The following USP2 variants were observed in gnomAD, a reference collection of about 807,000 sequenced individuals.
The protein encoded by USP2 is ubiquitin specific peptidase 2, also known as ubiquitin carboxyl-terminal hydrolase 2.
USP2 carries 33 observed loss-of-function variants against 72.0 expected under a neutral mutation model. The observed-to-expected ratio is 0.46, with a 90% confidence interval of 0.35 to 0.61. The LOEUF is 0.61. USP2 is among the 20% of genes least tolerant of loss of function. USP2 has a pLI of 0.01. For synonymous variants in USP2, 296 were observed against 312.5 expected (o/e 0.95, Z 0.56); for missense variants, 691 against 797.8 (o/e 0.87, Z 1.61).
At chr11:119,367,947 C>G (rs751446894) in intron 2 of USP2, among the ~76,000 whole-genome samples, 5 of 152,156 alleles carry the variant, frequency 3.3e-5, no homozygotes, top group African/African-American at 4.8e-5. Flanking sequence ...ACCACATTAA[C>G]TCATGAAGAC....
intron 2 of USP2, among the ~76,000 whole-genome samples, chr11:119,365,623 C>G (rs1950841767): frequency 6.6e-6 from 1 of 152,228 alleles, no homozygotes; most frequent in South Asian, 2.1e-4. Context: ...CATCACTCTT[C>G]TGTCCTGAAA....
Position 119,359,211 on chromosome 11 carries a change from C to T in USP2, c.1061+20G>A. On this transcript the variant is annotated intron_variant, in intron 5 of 12. Transcript: ENST00000260187. ...TCCTACTGCCACCCACCTGAGAGGA[C>T]ATGTCTGCAAGGCCCTTACTTATAG... 1 of 1,612,630 alleles carries T rather than the reference C, an allele frequency of 6.2e-7. No individual in the cohort carries two copies. The highest frequency in any genetic ancestry group is 8.5e-7 in the Non-Finnish European group (1 of 1,178,766).
intron 2 of USP2, 189 bp from the exon 3 acceptor site, chr11:119,360,423 TTTTC>T (rs200063907): frequency 2.8e-4 from 197 of 700,778 alleles, no homozygotes; most frequent in East Asian, 1.3e-3. Flanking sequence ...TTTTCTTTTC[TTTTC>T]TTTTTTTTTT....
chr11:119,368,532 G>A (rs1180832890), intron 2 of USP2, among the ~76,000 whole-genome samples: 1 of 152,248 alleles, frequency 6.6e-6, no homozygotes, highest in Non-Finnish European at 1.5e-5. Flanking sequence ...CATGACCTCA[G>A]CTTATATAAT....
rs774555338 is a variant in USP2 at position 119,373,195 on chromosome 11, T to G, written c.286A>C (p.Thr96Pro). The change falls in exon 2 of 13, where the codon ACC becomes CCC. Residue 96 changes from threonine to proline, a missense_variant. Physicochemically the swap from Thr to Pro is conservative, Grantham distance 38. Transcript: ENST00000260187. Reference protein sequence around the residue: ...TGGGKRAESQTRGTERPLGSG... With the variant: ...TGGGKRAESQPRGTERPLGSG... The stretch of plus-strand genomic sequence containing the variant: ...CCTAAAGGCCGCTCAGTACCCCGGG[T>G]CTGGCTCTCTGCCCGCTTACCACCC... The G allele has an allele frequency of 9.9e-6, 16 of 1,613,850 alleles. No individual in the cohort carries two copies. Among genetic ancestry groups the G allele is most frequent in the Non-Finnish European group, 1.4e-5 (16 of 1,179,978 alleles).
intron 2 of USP2, among the ~76,000 whole-genome samples, chr11:119,367,840 T>C (rs973757379): frequency 1.3e-5 from 2 of 152,194 alleles, no homozygotes; most frequent in Non-Finnish European, 2.9e-5. Context: ...ATGATGTTCA[T>C]TTCTGCAGCT....
At chr11:119,375,578 C>T (rs563433669) in intron 1 of USP2, among the ~76,000 whole-genome samples, 5 of 152,194 alleles carry the variant, frequency 3.3e-5, no homozygotes, top group Admixed American at 6.5e-5. Flanking sequence ...GGCACAGGGT[C>T]GGGGTGGGGG....
rs976564647 is a variant in USP2 at position 119,356,026 on chromosome 11, A to G, written c.*809T>C. 1.3e-5 allele frequency: 2 copies of G among 148,864 alleles called. No homozygotes were observed. Among genetic ancestry groups the G allele is most frequent in the African/African-American group, 5.0e-5 (2 of 40,214 alleles). The allele number at this position is 148,864 out of a possible 1,614,324, so 9.2% of individuals were successfully genotyped here. Reference sequence around the variant, plus strand: ...CTATAAGGCACAATTCTTGGAGGCAACTAAATTCCATTCAAAACATTAAAA... The same window carrying G: ...CTATAAGGCACAATTCTTGGAGGCAGCTAAATTCCATTCAAAACATTAAAA... On this transcript the variant is annotated 3_prime_UTR_variant, in exon 13 of 13. Transcript: ENST00000260187.
Position 119,355,479 on chromosome 11 carries a change from CAG to C in USP2, c.*1354_*1355del, listed in dbSNP as rs1011863424. 2 of 152,200 alleles carry C rather than the reference CAG, an allele frequency of 1.3e-5. No homozygotes were observed. The highest frequency in any genetic ancestry group is 6.5e-5 in the Admixed American group (1 of 15,270). The allele number at this position is 152,200 out of a possible 1,614,324, so 9.4% of individuals were successfully genotyped here. On this transcript the variant is annotated 3_prime_UTR_variant, in exon 13 of 13. Coordinates refer to ENST00000260187, the MANE Select transcript of USP2 (RefSeq NM_004205.5). ...AACAGCTTTACTCTCCAGGACAGCA[CAG>C]AGTTTTATCCAACTATGTAGGGCAA...
chr11:119,359,527 G>A lies in USP2; in HGVS notation c.949+10C>T. 2 of 1,613,526 alleles carry A rather than the reference G, an allele frequency of 1.2e-6. No homozygotes were observed. Among genetic ancestry groups the A allele is most frequent in the Non-Finnish European group, 1.7e-6 (2 of 1,179,976 alleles). ...GGGTAGGCAGGGGCACATGACAGAGGGCCTCTCACCTTCCACGAGGGCTGT... is the reference window on the plus strand; with the variant it reads ...GGGTAGGCAGGGGCACATGACAGAGAGCCTCTCACCTTCCACGAGGGCTGT... On this transcript the variant is annotated intron_variant, in intron 4 of 12. Coordinates refer to ENST00000260187, the MANE Select transcript of USP2 (RefSeq NM_004205.5).
At position 119,362,749 on chromosome 11, in the gene USP2, T is replaced by C. The variant is rs1467487387; in HGVS notation, c.775-2515A>G. Among the ~76,000 whole-genome samples the C allele has an allele frequency of 2.0e-5, 3 of 152,212 alleles. No individual in the cohort carries two copies. In the East Asian group the frequency reaches 5.8e-4, roughly 29 times the overall value. ...GGAGACCCTGCACAGCCAACCTCTTTCGGTGAAAGCCAGAGAAGGAAATGA... is the reference window on the plus strand; with the variant it reads ...GGAGACCCTGCACAGCCAACCTCTTCCGGTGAAAGCCAGAGAAGGAAATGA... On this transcript the variant is annotated intron_variant, in intron 2 of 12. Transcript: ENST00000260187.
chr11:119,360,066 G>A, intron 3 of USP2, 118 bp downstream of exon 3: 1 of 1,280,818 alleles, frequency 7.8e-7, no homozygotes, highest in Non-Finnish European at 1.1e-6. Context: ...AAGGGCAAGT[G>A]CCAACTGGCT....
intron 1 of USP2, among the ~76,000 whole-genome samples, chr11:119,377,321 T>C (rs548342612): frequency 1.3e-5 from 2 of 152,292 alleles, no homozygotes; most frequent in South Asian, 4.1e-4. Context: ...CCTGCTTCAC[T>C]CTTCCCTGGC....
At chr11:119,376,178 C>T in intron 1 of USP2, 1 of 985,668 alleles carries the variant, frequency 1.0e-6, no homozygotes, top group Non-Finnish European at 1.2e-6. Flanking sequence ...GGTCCTAGCA[C>T]CTTCCAGGTG....
intron 2 of USP2, chr11:119,364,317 A>T (rs1950819515): frequency 2.3e-6 from 1 of 432,160 alleles, no homozygotes; most frequent in South Asian, 9.7e-5. Flanking sequence ...CGGCACGCGG[A>T]CCCGAACGAG....
intron 2 of USP2, among the ~76,000 whole-genome samples, chr11:119,368,402 T>C (rs1333524334): frequency 6.6e-6 from 1 of 152,250 alleles, no homozygotes; most frequent in Non-Finnish European, 1.5e-5. Context: ...AGGCGAGTTG[T>C]ACTTCTCACC....
At chr11:119,367,194 A>G (rs915036664) in intron 2 of USP2, among the ~76,000 whole-genome samples, 5 of 152,168 alleles carry the variant, frequency 3.3e-5, no homozygotes, top group African/African-American at 1.2e-4. Context: ...TCAAATACAC[A>G]AAGCTAAACT....
In USP2 at chr11:119,373,088, G is replaced by C. The variant is rs1223749182; in HGVS notation, c.393C>G (p.Asp131Glu). The change falls in exon 2 of 13, where the codon GAC (aspartate) becomes GAG (glutamate). Residue 131 changes from aspartate to glutamate, a missense_variant. Physicochemically the swap from Asp to Glu is conservative, Grantham distance 45. Coordinates refer to ENST00000260187, the MANE Select transcript of USP2 (RefSeq NM_004205.5). The stretch of plus-strand genomic sequence containing the variant: ...GCTTCTGGGTTAGGGTCACCCCCTG[G>C]TCATAGGCATTGATGGGCAGGTAGC... ...CLSYLPINAYDQGVTLTQKLD... is the reference protein window; with the variant it reads ...CLSYLPINAYEQGVTLTQKLD... 1.2e-6 allele frequency: 2 copies of C among 1,614,004 alleles called. No homozygotes were observed. The highest frequency in any genetic ancestry group is 2.7e-5 in the African/African-American group (2 of 74,934).
At chr11:119,380,403 C>A (rs866920336) in intron 1 of USP2, among the ~76,000 whole-genome samples, 2 of 152,034 alleles carry the variant, frequency 1.3e-5, no homozygotes, top group South Asian at 2.1e-4. Context: ...TGCAGCTTCC[C>A]CCAGGCCACC....
Sources: allele counts gnomAD v4.1 joint callset (sites outside exome capture counted in the v4.1 genomes callset), GRCh38; gene constraint gnomAD v4.1.1; transcripts MANE v1.5; gene names NCBI Gene and HGNC (gene_info 2026-07-23, HGNC 2026-07-21).